Variants in ACTR1A observed in about 807,000 individuals in gnomAD.
ACTR1A encodes the protein alpha-centractin.
ACTR1A carries 10 observed loss-of-function variants against 50.7 expected under a neutral mutation model. The observed-to-expected ratio is 0.20, with a 90% CI of 0.12 to 0.33. ACTR1A has a LOEUF of 0.33. ACTR1A is among the 10% of genes least tolerant of loss of function. The pLI is 1.00. For missense variants in ACTR1A, 253 were observed against 491.7 expected (o/e 0.51, Z 4.59); for synonymous variants, 177 against 184.2 (o/e 0.96, Z 0.32).
intron 9 of ACTR1A, among the ~76,000 whole-genome samples, chr10:102,481,383 G>C (rs1043501400): frequency 6.6e-6 from 1 of 152,190 alleles, no homozygotes. Context: ...GACTATTGGG[G>C]GGGGCAGGGA....
At chr10:102,495,356 T>G (rs2062215067) in intron 1 of ACTR1A, among the ~76,000 whole-genome samples, 1 of 151,880 alleles carries the variant, frequency 6.6e-6, no homozygotes, top group Admixed American at 6.6e-5. Flanking sequence ...GATCACGAGG[T>G]CAGGAGATTG....
At position 102,482,066 on chromosome 10, in the gene ACTR1A, T is replaced by G; in HGVS notation, c.860A>C (p.Asp287Ala). 6.2e-7 allele frequency: 1 copy of G among 1,614,162 alleles called. No individual in the cohort carries two copies. Among genetic ancestry groups the G allele is most frequent in the Non-Finnish European group, 8.5e-7 (1 of 1,180,036 alleles). ...GAAAAGCGTGCGCCGCAGGTCCATG[T>G]CTGACTTCTGAATGGCGAACACCAG... ...EVLVFAIQKS[D>A]MDLRRTLFSN... Residue 287 changes from aspartate (D) to alanine (A), a missense_variant, in exon 8 of 11, where the codon GAC becomes GCC. Physicochemically the swap from Asp to Ala is moderately radical, Grantham distance 126. Coordinates refer to ENST00000369905, the MANE Select transcript of ACTR1A (RefSeq NM_005736.4). The surrounding 1 kb of genome is among the most constrained non-coding windows in gnomAD (Gnocchi z 5.6).
In ACTR1A at chr10:102,491,757, A is replaced by G. The variant is rs1276883455; in HGVS notation, c.49-1144T>C. Among the ~76,000 whole-genome samples, 3 of 152,038 alleles carry G rather than the reference A, an allele frequency of 2.0e-5. No individual in the cohort carries two copies. The East Asian group carries it at 5.8e-4, about 29-fold the overall frequency. ...TGTCAAGGCTTAGTATTGCTTGTAG[A>G]TACACCCTGTCCTCTTCCTTTTTTT... On this transcript the variant is annotated intron_variant, in intron 1 of 10. Coordinates refer to ENST00000369905, the MANE Select transcript of ACTR1A (RefSeq NM_005736.4).
Position 102,481,172 on chromosome 10 carries a change from T to C in ACTR1A, c.988A>G (p.Ile330Val). ...KLAPKDVKIR[I>V]SAPQERLYST... ...TACAGTCTCTCCTGAGGTGCAGATATCTGCAAAGGTGGGGGAAAGAGGAAT... is the reference window on the plus strand; with the variant it reads ...TACAGTCTCTCCTGAGGTGCAGATACCTGCAAAGGTGGGGGAAAGAGGAAT... Residue 330 changes from isoleucine (I) to valine (V), a missense_variant and splice_region_variant, in exon 10 of 11, where the codon ATA (isoleucine) becomes GTA (valine). Physicochemically the swap from Ile to Val is conservative, Grantham distance 29. This residue lies in a region of ACTR1A where 27 missense variants were observed against 80.7 expected (regional missense o/e 0.33). Transcript: ENST00000369905. 3 of 1,590,448 alleles carry C rather than the reference T, an allele frequency of 1.9e-6. No homozygotes were observed. Among genetic ancestry groups the C allele is most frequent in the East Asian group, 2.2e-5 (1 of 44,566 alleles).
Position 102,488,013 on chromosome 10 carries a change from T to G in ACTR1A, c.315+137A>C. Reference sequence around the variant, plus strand: ...TATCTCATAGGAATGGTGTTAAGATTAAATCTGAATATGCCTGAAAATCAA... The same window carrying G: ...TATCTCATAGGAATGGTGTTAAGATGAAATCTGAATATGCCTGAAAATCAA... On this transcript the variant is annotated intron_variant, in intron 4 of 10. Coordinates refer to ENST00000369905, the MANE Select transcript of ACTR1A (RefSeq NM_005736.4). This position sits in a 1 kb window ranked among gnomAD's most constrained non-coding sequence, Gnocchi z 4.4. 1 of 971,426 alleles carries G rather than the reference T, an allele frequency of 1.0e-6. No individual in the cohort carries two copies. Among genetic ancestry groups the G allele is most frequent in the Non-Finnish European group, 1.5e-6 (1 of 662,636 alleles). The allele number at this position is 971,426 out of a possible 1,614,324, so 60.2% of individuals were successfully genotyped here. A position where few individuals can be genotyped will look rare whatever the true frequency, so the allele number is the denominator to read the frequency against.
At chr10:102,494,246 G>A (rs766115097) in intron 1 of ACTR1A, among the ~76,000 whole-genome samples, 3 of 152,176 alleles carry the variant, frequency 2.0e-5, no homozygotes, top group Non-Finnish European at 2.9e-5. Flanking sequence ...TATAATCCAA[G>A]CACTTAGGAA....
chr10:102,495,432 A>G (rs1238298545), intron 1 of ACTR1A, among the ~76,000 whole-genome samples: 2 of 151,672 alleles, frequency 1.3e-5, no homozygotes, highest in Non-Finnish European at 2.9e-5. Flanking sequence ...AGCCGGGTGA[A>G]GTGGTGGGCG....
At chr10:102,500,861 C>T (rs2062247364) in intron 1 of ACTR1A, among the ~76,000 whole-genome samples, 1 of 151,868 alleles carries the variant, frequency 6.6e-6, no homozygotes, top group South Asian at 2.1e-4. Context: ...TCGCAACAGC[C>T]CAGGAGTTTG....
intron 1 of ACTR1A, among the ~76,000 whole-genome samples, chr10:102,496,251 T>C (rs77184212): frequency 0.043 from 6,603 of 152,256 alleles, 459 homozygotes; most frequent in African/African-American, 0.15. Context: ...ATGGGGACAA[T>C]TGGATAGAAA....
In ACTR1A at chr10:102,490,625, G is replaced by T. The variant is rs1203191391; in HGVS notation, c.49-12C>A. On this transcript the variant is annotated splice_polypyrimidine_tract_variant and intron_variant, in intron 1 of 10. Transcript: ENST00000369905. ...ATCACACCGGATCCCTGAGGAAAGA[G>T]GAGAGAGAATGAGGAGTCAGAACTA... 1.9e-6 allele frequency: 3 copies of T among 1,608,656 alleles called. No homozygotes were observed. The highest frequency in any genetic ancestry group is 2.6e-6 in the Non-Finnish European group (3 of 1,175,320).
Position 102,485,685 on chromosome 10 carries a change from C to G in ACTR1A, c.364G>C (p.Glu122Gln). The change falls in exon 5 of 11, where the codon GAA (glutamate) becomes CAA (glutamine). Residue 122 changes from glutamate to glutamine, a missense_variant. Around this residue, in one of 4 missense-constraint regions of ACTR1A, gnomAD observed 96 missense variants for 238.7 expected, o/e 0.40. Transcript: ENST00000369905. ...TCGAAGAAAACTTCGGCAGCTCGTTCCCGGTTTTTTCGTGGGTTTAAAGGC... is the reference window on the plus strand; with the variant it reads ...TCGAAGAAAACTTCGGCAGCTCGTTGCCGGTTTTTTCGTGGGTTTAAAGGC... ...EAPLNPRKNR[E>Q]RAAEVFFETF... The G allele has an allele frequency of 1.2e-6, 2 of 1,614,072 alleles. No homozygotes were observed.
At chr10:102,483,271 C>G (rs539978262) in intron 6 of ACTR1A, 168 bp from the exon 7 acceptor site, 1 of 626,008 alleles carries the variant, frequency 1.6e-6, no homozygotes, top group East Asian at 2.7e-5. Flanking sequence ...CTCTGTTGGC[C>G]TTCACTGGGT....
At chr10:102,481,703 C>T in intron 9 of ACTR1A, 134 bp downstream of exon 9, 2 of 1,036,850 alleles carry the variant, frequency 1.9e-6, no homozygotes, top group Non-Finnish European at 2.9e-6. Context: ...AGTGTACAGG[C>T]TGGGAACCTG....
chr10:102,488,388 A>G lies in ACTR1A; in HGVS notation c.190-113T>C. ...CTTGCAAAGAAGCCTCAGCTTCCTG[A>G]GCTTCCACCCTGCTGTCCTTGCCCA... On this transcript the variant is annotated intron_variant, in intron 3 of 10. Transcript: ENST00000369905. The surrounding 1 kb of genome is among the most constrained non-coding windows in gnomAD (Gnocchi z 4.4). 4.1e-6 allele frequency: 6 copies of G among 1,457,822 alleles called. No homozygotes were observed. The highest frequency in any genetic ancestry group is 5.7e-6 in the Non-Finnish European group (6 of 1,057,464). 90.3% of individuals were successfully genotyped at this position (1,457,822 alleles called of 1,614,324 possible).
At chr10:102,500,568 AAAAC>A (rs1164496543) in intron 1 of ACTR1A, among the ~76,000 whole-genome samples, 23 of 99,178 alleles carry the variant, frequency 2.3e-4, no homozygotes, top group African/African-American at 9.9e-4. Context: ...CTCCGTCTCA[AAAAC>A]AAACAAACAA....
At position 102,488,402 on chromosome 10, in the gene ACTR1A, T is replaced by C; in HGVS notation, c.190-127A>G. 7.3e-7 allele frequency: 1 copy of C among 1,367,456 alleles called. No homozygotes were observed. Among genetic ancestry groups the C allele is most frequent in the Non-Finnish European group, 1.0e-6 (1 of 986,894 alleles). The allele number at this position is 1,367,456 out of a possible 1,614,324, so 84.7% of individuals were successfully genotyped here. ...TCAGCTTCCTGAGCTTCCACCCTGC[T>C]GTCCTTGCCCAGGGCTAAGGGTGGG... On this transcript the variant is annotated intron_variant, in intron 3 of 10. Coordinates refer to ENST00000369905, the MANE Select transcript of ACTR1A (RefSeq NM_005736.4). The surrounding 1 kb of genome is among the most constrained non-coding windows in gnomAD (Gnocchi z 4.4).
intron 5 of ACTR1A, 115 bp downstream of exon 5, chr10:102,485,494 T>C (rs899978202): frequency 4.9e-5 from 69 of 1,414,526 alleles, no homozygotes; most frequent in Non-Finnish European, 5.9e-5. Context: ...ATCTTTAACC[T>C]TTCCCTAGCA....
chr10:102,501,836 A>T (rs2062253571), intron 1 of ACTR1A, among the ~76,000 whole-genome samples: 1 of 152,168 alleles, frequency 6.6e-6, no homozygotes, highest in African/African-American at 2.4e-5. Context: ...AAGTTTGGTA[A>T]TTTTTTCCCC....
intron 1 of ACTR1A, among the ~76,000 whole-genome samples, chr10:102,498,803 T>G (rs1329047820): frequency 1.3e-5 from 2 of 152,158 alleles, no homozygotes; most frequent in Non-Finnish European, 2.9e-5. Flanking sequence ...AGTTTCAGAA[T>G]AAACATAGTA....
Sources: gnomAD v4.1 joint callset for allele counts (sites outside exome capture counted in the v4.1 genomes callset) on GRCh38, gnomAD v4.1.1 for gene constraint, gnomAD v4.1.1 regional missense constraint, Gnocchi (gnomAD v3.1) non-coding constraint, MANE v1.5 for transcripts, NCBI Gene and HGNC (gene_info 2026-07-23, HGNC 2026-07-21) for gene names.